Variants in INTS15 observed in about 807,000 individuals in gnomAD.
The protein encoded by INTS15 is uncharacterized protein C7orf26.
the INTS15 span, chr7:6,594,330 G>T: frequency 3.5e-6 from 4 of 1,142,430 alleles, no homozygotes; most frequent in Admixed American, 6.1e-5. Flanking sequence ...TTTTTGTCTT[G>T]GAAGTGGTTC....
At chr7:6,590,390 C>A in the INTS15 span, 1 of 1,606,796 alleles carries the variant, frequency 6.2e-7, no homozygotes, top group Non-Finnish European at 8.5e-7. Context: ...CAGAGCGCGC[C>A]GCTGCCCATC....
the INTS15 span, among the ~76,000 whole-genome samples, chr7:6,597,121 G>A: frequency 6.6e-6 from 1 of 152,120 alleles, no homozygotes; most frequent in African/African-American, 2.4e-5. Flanking sequence ...CAGTTTCCTC[G>A]TGGAATGGGA....
the INTS15 span, chr7:6,607,981 G>T: frequency 6.2e-7 from 1 of 1,600,104 alleles, no homozygotes. This position sits in a 1 kb window ranked among gnomAD's most constrained non-coding sequence, Gnocchi z 6.0. Context: ...TGGTGATCTC[G>T]GGTCCCGTGC....
the INTS15 span, chr7:6,594,638 C>T: frequency 1.9e-6 from 3 of 1,594,542 alleles, no homozygotes; most frequent in South Asian, 2.2e-5. Context: ...GAAGAAGCTT[C>T]AGTCAATGGC....
the INTS15 span, among the ~76,000 whole-genome samples, chr7:6,595,607 C>G: frequency 6.6e-6 from 1 of 152,208 alleles, no homozygotes; most frequent in Non-Finnish European, 1.5e-5. Context: ...AAAGCAAGCT[C>G]TAGTGTCTGT....
At chr7:6,600,589 G>C in the INTS15 span, among the ~76,000 whole-genome samples, 3 of 152,122 alleles carry the variant, frequency 2.0e-5, no homozygotes, top group Admixed American at 6.5e-5. Context: ...GCCCAGGACT[G>C]GGGACTCCTT....
chr7:6,602,797 C>T, the INTS15 span: 1 of 468,852 alleles, frequency 2.1e-6, no homozygotes, highest in Non-Finnish European at 4.4e-6. Context: ...GAATCCGGGC[C>T]TTGCCACTTC....
At chr7:6,593,329 G>GTTTT in the INTS15 span, among the ~76,000 whole-genome samples, 6 of 130,840 alleles carry the variant, frequency 4.6e-5, no homozygotes, top group African/African-American at 1.2e-4. Context: ...CTGTGCGGTG[G>GTTTT]TTTTTTTTTT....
chr7:6,599,112 T>C, the INTS15 span, among the ~76,000 whole-genome samples: 1 of 152,164 alleles, frequency 6.6e-6, no homozygotes, highest in Non-Finnish European at 1.5e-5. Flanking sequence ...GGGAAATCAC[T>C]TGACATGACT....
the INTS15 span, chr7:6,594,389 C>T: frequency 6.2e-7 from 1 of 1,603,568 alleles, no homozygotes; most frequent in African/African-American, 1.3e-5. Context: ...CTGGTCTACT[C>T]ACTCACGACA....
At chr7:6,598,891 A>G in the INTS15 span, among the ~76,000 whole-genome samples, 1 of 150,900 alleles carries the variant, frequency 6.6e-6, no homozygotes, top group Admixed American at 6.6e-5. Context: ...GTATCAAGTG[A>G]TCCTCCTACC....
At chr7:6,605,900 T>A in the INTS15 span, among the ~76,000 whole-genome samples, 1 of 152,130 alleles carries the variant, frequency 6.6e-6, no homozygotes, top group East Asian at 1.9e-4. Flanking sequence ...GTTTTCGCCA[T>A]GTTGGCCAGG....
the INTS15 span, chr7:6,590,536 A>T: frequency 6.8e-7 from 1 of 1,480,332 alleles, no homozygotes; most frequent in South Asian, 1.3e-5. Context: ...CCTTTTCCCC[A>T]GCGATGCAGG....
chr7:6,598,413 G>A, the INTS15 span, among the ~76,000 whole-genome samples: 1 of 147,956 alleles, frequency 6.8e-6, no homozygotes. Context: ...AGTTTGCAGT[G>A]AGCTGAGATC....
At chr7:6,599,194 G>T in the INTS15 span, among the ~76,000 whole-genome samples, 2 of 152,208 alleles carry the variant, frequency 1.3e-5, no homozygotes, top group African/African-American at 4.8e-5. Flanking sequence ...GAGTTCGTCT[G>T]TGTAAAGCGT....
At chr7:6,605,147 C>T in the INTS15 span, among the ~76,000 whole-genome samples, 1 of 152,096 alleles carries the variant, frequency 6.6e-6, no homozygotes, top group Admixed American at 6.6e-5. Flanking sequence ...TGCCTGCCAC[C>T]ACGCCTAATT....
chr7:6,603,214 C>T, the INTS15 span, among the ~76,000 whole-genome samples: 8 of 151,868 alleles, frequency 5.3e-5, no homozygotes, highest in African/African-American at 1.9e-4. Context: ...CATGGCACTG[C>T]ACTCCAGCTT....
the INTS15 span, chr7:6,607,930 C>A: frequency 1.3e-6 from 2 of 1,596,800 alleles, no homozygotes; most frequent in Admixed American, 1.7e-5. This position sits in a 1 kb window ranked among gnomAD's most constrained non-coding sequence, Gnocchi z 6.0. Context: ...CGGAGCCCGC[C>A]CGCGCTGACG....
At chr7:6,599,869 C>T in the INTS15 span, 1 of 1,614,146 alleles carries the variant, frequency 6.2e-7, no homozygotes, top group Non-Finnish European at 8.5e-7. Context: ...AAATGATTGT[C>T]ACCTGGATTT....
Sources: allele counts gnomAD v4.1 joint callset (sites outside exome capture counted in the v4.1 genomes callset), GRCh38; gene constraint gnomAD v4.1.1; non-coding constraint Gnocchi (gnomAD v3.1); transcripts MANE v1.5; gene names NCBI Gene and HGNC (gene_info 2026-07-23, HGNC 2026-07-21).